Variants in NCKAP5 observed in about 807,000 individuals in gnomAD.
The protein encoded by NCKAP5 is nck-associated protein 5.
Under a neutral mutation model 167.0 loss-of-function variants are expected in NCKAP5, and 92 were observed. The ratio of observed to expected loss-of-function variants is 0.55; its 90% CI spans 0.47 to 0.66. NCKAP5 has a LOEUF of 0.66. Ranked by LOEUF, NCKAP5 falls within the 30% of genes least tolerant of loss-of-function variation. NCKAP5 has a pLI of 0.00. For missense variants in NCKAP5, 2,378 were observed against 2,315.0 expected (o/e 1.03, Z -0.56); for synonymous variants, 891 against 877.4 (o/e 1.02, Z -0.27).
At chr2:133,230,014 T>C (rs1318306793) in intron 4 of NCKAP5, among the ~76,000 whole-genome samples, 1 of 152,154 alleles carries the variant, frequency 6.6e-6, no homozygotes. Context: ...AAGATTTTAC[T>C]TCCCCACCCC....
intron 3 of NCKAP5, among the ~76,000 whole-genome samples, chr2:133,383,806 T>C (rs1686712471): frequency 6.6e-6 from 1 of 152,250 alleles, no homozygotes; most frequent in African/African-American, 2.4e-5. Context: ...TGCATTTCTC[T>C]GATGGCCAGT....
intron 16 of NCKAP5, among the ~76,000 whole-genome samples, chr2:132,756,944 C>T (rs1216173107): frequency 6.6e-6 from 1 of 152,148 alleles, no homozygotes; most frequent in East Asian, 1.9e-4. Flanking sequence ...TTTATCACCA[C>T]GGCATGAAAG....
chr2:132,945,449 A>T (rs1255199227), intron 8 of NCKAP5, among the ~76,000 whole-genome samples: 1 of 152,056 alleles, frequency 6.6e-6, no homozygotes, highest in Non-Finnish European at 1.5e-5. Flanking sequence ...GCCCTTGGGA[A>T]TCGATGGAAG....
At chr2:132,867,757 A>T (rs922987560) in intron 10 of NCKAP5, among the ~76,000 whole-genome samples, 2 of 152,186 alleles carry the variant, frequency 1.3e-5, no homozygotes, top group Non-Finnish European at 2.9e-5. Context: ...CAAAGTTACC[A>T]TTCCTGTTCG....
At chr2:133,358,348 GC>G (rs1684876612) in intron 3 of NCKAP5, among the ~76,000 whole-genome samples, 1 of 152,156 alleles carries the variant, frequency 6.6e-6, no homozygotes, top group Admixed American at 6.5e-5. Context: ...GGAGGCCAAG[GC>G]AAGACAATCG....
chr2:132,917,662 A>G (rs911853229), intron 8 of NCKAP5, among the ~76,000 whole-genome samples: 2 of 152,178 alleles, frequency 1.3e-5, no homozygotes, highest in Non-Finnish European at 2.9e-5. Flanking sequence ...CAGAGATGGG[A>G]AAACAGCCCT....
chr2:132,723,162 T>C (rs1455778189), intron 19 of NCKAP5, among the ~76,000 whole-genome samples: 1 of 140,444 alleles, frequency 7.1e-6, no homozygotes, highest in Non-Finnish European at 1.5e-5. Context: ...TTTTTTTTTT[T>C]TGAGACAGAG....
chr2:133,245,230 T>A (rs1238903983), intron 4 of NCKAP5, among the ~76,000 whole-genome samples: 1 of 152,170 alleles, frequency 6.6e-6, no homozygotes, highest in Non-Finnish European at 1.5e-5. Context: ...CAATTGTCCA[T>A]CAACGATCAA....
chr2:133,474,422 A>T (rs1679692524), intron 3 of NCKAP5, among the ~76,000 whole-genome samples: 1 of 152,192 alleles, frequency 6.6e-6, no homozygotes, highest in South Asian at 2.1e-4. Context: ...GATTGAGGAG[A>T]TATTAGTCGA....
intron 8 of NCKAP5, among the ~76,000 whole-genome samples, chr2:132,955,840 G>A (rs968582607): frequency 2.0e-5 from 3 of 152,248 alleles, no homozygotes; most frequent in South Asian, 2.1e-4. Context: ...ACTTTTTAAT[G>A]ATCAACATTC....
intron 5 of NCKAP5, among the ~76,000 whole-genome samples, chr2:133,202,614 GAGA>G (rs1425258180): frequency 6.6e-6 from 1 of 152,010 alleles, no homozygotes; most frequent in Admixed American, 6.6e-5. Context: ...TGCAGAATGG[GAGA>G]AAATTTTTGC....
At chr2:133,202,979 T>C (rs1470575470) in intron 5 of NCKAP5, among the ~76,000 whole-genome samples, 1 of 151,532 alleles carries the variant, frequency 6.6e-6, no homozygotes, top group Non-Finnish European at 1.5e-5. Context: ...GAAGACAGTG[T>C]GGCAATCCCT....
chr2:133,498,203 A>G (rs1243614342), intron 3 of NCKAP5, among the ~76,000 whole-genome samples: 2 of 152,182 alleles, frequency 1.3e-5, no homozygotes, highest in East Asian at 1.9e-4. Context: ...TGTGTTGAAG[A>G]GCAAGCTCTG....
intron 2 of NCKAP5, among the ~76,000 whole-genome samples, chr2:133,556,305 A>G (rs1248440507): frequency 6.6e-6 from 1 of 152,234 alleles, no homozygotes; most frequent in East Asian, 1.9e-4. Flanking sequence ...TGTCCCAAAT[A>G]AATCTAATTT....
chr2:133,184,528 T>C (rs2084864611), intron 5 of NCKAP5, among the ~76,000 whole-genome samples: 1 of 152,170 alleles, frequency 6.6e-6, no homozygotes, highest in Non-Finnish European at 1.5e-5. Flanking sequence ...TTATGTTCTT[T>C]GGGAAATCTG....
At chr2:133,488,966 G>A (rs557639580) in intron 3 of NCKAP5, among the ~76,000 whole-genome samples, 1 of 152,192 alleles carries the variant, frequency 6.6e-6, no homozygotes, top group Non-Finnish European at 1.5e-5. Context: ...GTGCATGCCT[G>A]TGGTCCCAGC....
the NCKAP5 span, among the ~76,000 whole-genome samples, chr2:133,614,202 T>G: frequency 6.6e-6 from 1 of 152,144 alleles, no homozygotes; most frequent in South Asian, 2.1e-4. Flanking sequence ...GGGAGTCTCG[T>G]GGTCTGGGGC....
At chr2:133,057,433 G>C (rs999372299) in intron 6 of NCKAP5, among the ~76,000 whole-genome samples, 1 of 152,190 alleles carries the variant, frequency 6.6e-6, no homozygotes, top group African/African-American at 2.4e-5. Context: ...AAAAACACTT[G>C]AAGGAAATTA....
chr2:132,965,240 G>C (rs953481543), intron 7 of NCKAP5, among the ~76,000 whole-genome samples: 13 of 152,286 alleles, frequency 8.5e-5, no homozygotes, highest in African/African-American at 3.1e-4. Context: ...GTGCAGGTGT[G>C]AGTTCAGCTC....
Sources: allele counts gnomAD v4.1 joint callset (sites outside exome capture counted in the v4.1 genomes callset), GRCh38; gene constraint gnomAD v4.1.1; transcripts MANE v1.5; gene names NCBI Gene and HGNC (gene_info 2026-07-23, HGNC 2026-07-21).